Variants in CNTN5 observed in about 807,000 individuals in gnomAD.
The protein encoded by CNTN5 is contactin 5.
A neutral mutation model predicts 129.1 loss-of-function variants in CNTN5; 77 were observed. The ratio of observed to expected loss-of-function variants is 0.60; its 90% confidence interval spans 0.50 to 0.72. CNTN5 has a LOEUF of 0.72. Ranked by LOEUF, CNTN5 falls within the 30% of genes least tolerant of loss-of-function variation. The probability of loss-of-function intolerance (pLI) is 0.00; values close to 1 mark genes in which losing one functional copy is unlikely to be tolerated. For synonymous variants in CNTN5, 509 were observed against 465.6 expected (o/e 1.09, Z -1.20); for missense variants, 1,478 against 1,328.8 (o/e 1.11, Z -1.75).
At chr11:100,049,007 T>C (rs902153766) in intron 9 of CNTN5, among the ~76,000 whole-genome samples, 3 of 152,022 alleles carry the variant, frequency 2.0e-5, no homozygotes, top group Non-Finnish European at 4.4e-5. Flanking sequence ...CTTTTAAAAA[T>C]AAAGACATTT....
intron 1 of CNTN5, among the ~76,000 whole-genome samples, chr11:99,124,121 A>G (rs1456494617): frequency 2.0e-5 from 3 of 152,092 alleles, no homozygotes; most frequent in South Asian, 4.1e-4. Flanking sequence ...GCTTTATGCA[A>G]TATGGCCATT....
intron 3 of CNTN5, among the ~76,000 whole-genome samples, chr11:99,786,992 A>G (rs1945550288): frequency 6.6e-6 from 1 of 152,180 alleles, no homozygotes; most frequent in South Asian, 2.1e-4. Context: ...AGATGTAACA[A>G]AATGAGTTTT....
intron 13 of CNTN5, among the ~76,000 whole-genome samples, chr11:100,172,392 C>T (rs768670365): frequency 3.9e-5 from 6 of 151,958 alleles, no homozygotes; most frequent in Non-Finnish European, 8.8e-5. Context: ...TATTATGATA[C>T]TCATTTCCTT....
At chr11:100,000,991 A>T (rs1354249576) in intron 8 of CNTN5, among the ~76,000 whole-genome samples, 1 of 151,974 alleles carries the variant, frequency 6.6e-6, no homozygotes, top group Admixed American at 6.6e-5. Context: ...CCATGGAACC[A>T]TTTTTCCCTC....
intron 2 of CNTN5, among the ~76,000 whole-genome samples, chr11:99,368,714 C>T (rs535915752): frequency 6.6e-6 from 1 of 152,042 alleles, no homozygotes; most frequent in Admixed American, 6.6e-5. Flanking sequence ...AGAAGGAAAA[C>T]AACTTGTTCT....
intron 13 of CNTN5, among the ~76,000 whole-genome samples, chr11:100,137,292 T>G (rs1946558541): frequency 6.6e-6 from 1 of 152,112 alleles, no homozygotes; most frequent in Non-Finnish European, 1.5e-5. Flanking sequence ...AAATTCCTAC[T>G]GTGAACCAAT....
In CNTN5 at chr11:100,020,188, T is replaced by G. The variant is rs150239945; in HGVS notation, c.980+18052T>G. On this transcript the variant is annotated intron_variant, in intron 9 of 24. Transcript: ENST00000524871. ...TGCTTTGTTCCCTGTGATTTTAGAGTCATATTCAAAAATCTTTACAAGGAA... is the reference window on the plus strand; with the variant it reads ...TGCTTTGTTCCCTGTGATTTTAGAGGCATATTCAAAAATCTTTACAAGGAA... Among the ~76,000 whole-genome samples, 12 of 152,138 alleles carry G rather than the reference T, an allele frequency of 7.9e-5. No homozygotes were observed. The East Asian group carries it at 2.3e-3, about 29-fold the overall frequency.
At chr11:99,756,268 G>T (rs1419829985) in intron 3 of CNTN5, among the ~76,000 whole-genome samples, 1 of 152,056 alleles carries the variant, frequency 6.6e-6, no homozygotes, top group Non-Finnish European at 1.5e-5. Flanking sequence ...TGGAAGAAAA[G>T]TTACGATCAA....
At chr11:100,278,903 T>C (rs1313870218) in intron 18 of CNTN5, among the ~76,000 whole-genome samples, 1 of 151,942 alleles carries the variant, frequency 6.6e-6, no homozygotes, top group East Asian at 1.9e-4. Flanking sequence ...GGAAAGACTT[T>C]CAGTCTTTCC....
At chr11:99,537,558 T>G (rs1947947223) in intron 2 of CNTN5, among the ~76,000 whole-genome samples, 1 of 152,112 alleles carries the variant, frequency 6.6e-6, no homozygotes, top group South Asian at 2.1e-4. Context: ...TTCGCTTCTC[T>G]TATTTTTAAA....
At chr11:99,189,207 G>T (rs537104705) in intron 1 of CNTN5, among the ~76,000 whole-genome samples, 20 of 151,564 alleles carry the variant, frequency 1.3e-4, no homozygotes, top group Admixed American at 7.9e-4. Flanking sequence ...ATTCCATAGT[G>T]TGTGTGTGTA....
chr11:100,347,475 A>T (rs1952309420), intron 23 of CNTN5, among the ~76,000 whole-genome samples: 1 of 152,142 alleles, frequency 6.6e-6, no homozygotes, highest in African/African-American at 2.4e-5. Context: ...ACATTCATTT[A>T]TGCCTGAAAT....
chr11:100,353,340 G>A (rs540109402), intron 24 of CNTN5, among the ~76,000 whole-genome samples: 1 of 151,598 alleles, frequency 6.6e-6, no homozygotes, highest in East Asian at 1.9e-4. Context: ...TGAATGACTT[G>A]CCCAAGTGAA....
chr11:99,642,176 A>G (rs1053865441), intron 3 of CNTN5, among the ~76,000 whole-genome samples: 3 of 152,120 alleles, frequency 2.0e-5, no homozygotes, highest in African/African-American at 7.2e-5. Flanking sequence ...ATTCCATTTG[A>G]TGTGTTATGT....
At chr11:99,986,486 G>A (rs1193076003) in intron 8 of CNTN5, among the ~76,000 whole-genome samples, 1 of 152,052 alleles carries the variant, frequency 6.6e-6, no homozygotes, top group Non-Finnish European at 1.5e-5. Context: ...ACAGTTTTGT[G>A]CCCTAGACTC....
At chr11:99,767,962 T>G (rs896058824) in intron 3 of CNTN5, among the ~76,000 whole-genome samples, 1 of 152,152 alleles carries the variant, frequency 6.6e-6, no homozygotes, top group Non-Finnish European at 1.5e-5. Flanking sequence ...AACTAGAGTT[T>G]CATGGACAAT....
chr11:99,144,531 C>T (rs953622768), intron 1 of CNTN5, among the ~76,000 whole-genome samples: 29 of 152,066 alleles, frequency 1.9e-4, no homozygotes, highest in Admixed American at 1.1e-3. Context: ...TGCCCTTTGC[C>T]GTCTCCTCTC....
chr11:99,025,040 C>T (rs1267151686), intron 1 of CNTN5, among the ~76,000 whole-genome samples: 1 of 151,744 alleles, frequency 6.6e-6, no homozygotes, highest in Non-Finnish European at 1.5e-5. Context: ...ATCTAAATAA[C>T]TTGTTGCCCA....
chr11:99,700,465 C>T (rs1389722951), intron 3 of CNTN5, among the ~76,000 whole-genome samples: 1 of 151,312 alleles, frequency 6.6e-6, no homozygotes, highest in East Asian at 1.9e-4. Flanking sequence ...CAAGGCAAGG[C>T]TATGCAGACA....
Sources: allele counts gnomAD v4.1 joint callset (sites outside exome capture counted in the v4.1 genomes callset), GRCh38; gene constraint gnomAD v4.1.1; transcripts MANE v1.5; gene names NCBI Gene and HGNC (gene_info 2026-07-23, HGNC 2026-07-21).